Variants in CNNM3 observed in about 807,000 individuals in gnomAD.
The protein encoded by CNNM3 is cyclin and CBS domain divalent metal cation transport mediator 3, also known as metal transporter CNNM3.
A neutral mutation model predicts 57.1 loss-of-function variants in CNNM3; 47 were observed. That is an observed-to-expected ratio of 0.82 (90% confidence interval 0.65 to 1.05). The LOEUF (loss-of-function observed/expected upper bound fraction) is 1.05, where lower values mean the gene tolerates loss of function less well. Ranked by LOEUF, CNNM3 falls within the 50% of genes least tolerant of loss-of-function variation. The pLI is 0.00. For missense variants in CNNM3, 957 were observed against 973.7 expected (o/e 0.98, Z 0.23); for synonymous variants, 507 against 478.2 (o/e 1.06, Z -0.79).
chr2:96,820,245 C>T (rs764493449), intron 1 of CNNM3, among the ~76,000 whole-genome samples: 4 of 152,172 alleles, frequency 2.6e-5, no homozygotes, highest in Non-Finnish European at 4.4e-5. Flanking sequence ...AGATTGGTAT[C>T]TGGCAGCAGG....
chr2:96,823,167 CT>C (rs2079436671), intron 1 of CNNM3, among the ~76,000 whole-genome samples: 1 of 152,214 alleles, frequency 6.6e-6, no homozygotes, highest in African/African-American at 2.4e-5. Flanking sequence ...CTGCTTTCTT[CT>C]GTTCGTGATA....
In CNNM3 at chr2:96,825,192, G is replaced by A; in HGVS notation, c.1360G>A (p.Glu454Lys). ...CAGGTCCGAGATCCTGGACGAGTCT[G>A]AAGACTACCGTGAGTCCAGACTCTT... is the stretch of plus-strand genomic sequence containing the variant. ...IIRSEILDES[E>K]DYRDTVVKRK... The change falls in exon 2 of 8, where the codon GAA becomes AAA. Residue 454 changes from glutamate (E) to lysine (K), a missense_variant. By Grantham distance (56) the Glu-to-Lys change is moderately conservative (BLOSUM62 1). Coordinates refer to ENST00000305510, the MANE Select transcript of CNNM3 (RefSeq NM_017623.5). 2 of 1,614,088 alleles carry A rather than the reference G, an allele frequency of 1.2e-6. No individual in the cohort carries two copies. The highest frequency in any genetic ancestry group is 1.7e-6 in the Non-Finnish European group (2 of 1,180,008).
At position 96,832,888 on chromosome 2, in the gene CNNM3, A is replaced by G; in HGVS notation, c.*272A>G. 2 of 1,477,558 alleles carry G rather than the reference A, an allele frequency of 1.4e-6. No individual in the cohort carries two copies. The highest frequency in any genetic ancestry group is 1.8e-6 in the Non-Finnish European group (2 of 1,110,336). 91.5% of individuals were successfully genotyped at this position (1,477,558 alleles called of 1,614,324 possible). A position where few individuals can be genotyped will look rare whatever the true frequency, so the allele number is the denominator to read the frequency against. On this transcript the variant is annotated 3_prime_UTR_variant, in exon 8 of 8. Coordinates refer to ENST00000305510, the MANE Select transcript of CNNM3 (RefSeq NM_017623.5). Reference sequence around the variant, plus strand: ...GAATGAAAGGAATGCCATCATCTCTAGTTCCCAGGGCCCAGCCTTCCCCTT... The same window carrying G: ...GAATGAAAGGAATGCCATCATCTCTGGTTCCCAGGGCCCAGCCTTCCCCTT...
At chr2:96,820,666 C>T (rs1427804475) in intron 1 of CNNM3, among the ~76,000 whole-genome samples, 3 of 152,270 alleles carry the variant, frequency 2.0e-5, no homozygotes, top group Admixed American at 6.5e-5. Context: ...ATGCCGTTGA[C>T]CTTTGCAAGA....
At chr2:96,826,387 A>AT (rs1169615572) in intron 2 of CNNM3, among the ~76,000 whole-genome samples, 3 of 151,908 alleles carry the variant, frequency 2.0e-5, no homozygotes, top group South Asian at 2.1e-4. Context: ...TAATTATTTT[A>AT]TTTTTTTGTA....
At chr2:96,831,746 A>G (rs2079605668) in intron 7 of CNNM3, among the ~76,000 whole-genome samples, 1 of 152,216 alleles carries the variant, frequency 6.6e-6, no homozygotes, top group South Asian at 2.1e-4. Context: ...AGGGAAAGGC[A>G]GTCCCCACAC....
intron 7 of CNNM3, among the ~76,000 whole-genome samples, chr2:96,830,625 G>A (rs2079585985): frequency 6.6e-6 from 1 of 152,224 alleles, no homozygotes; most frequent in African/African-American, 2.4e-5. Flanking sequence ...AGCGGGTGAG[G>A]TCGTGCTGCT....
chr2:96,833,245 G>T lies in CNNM3; in HGVS notation c.*629G>T. On this transcript the variant is annotated 3_prime_UTR_variant, in exon 8 of 8. Coordinates refer to ENST00000305510, the MANE Select transcript of CNNM3 (RefSeq NM_017623.5). ...CTGTAGCCCTGCTCCCTCCCTGGAG[G>T]CTGCTCTTCTGATTCTGAGAGCTGG... The T allele has an allele frequency of 2.9e-6, 1 of 345,746 alleles. No homozygotes were observed. Among genetic ancestry groups the T allele is most frequent in the African/African-American group, 2.1e-5 (1 of 46,560 alleles). The allele number at this position is 345,746 out of a possible 1,614,324, so 21.4% of individuals were successfully genotyped here.
At position 96,829,023 on chromosome 2, in the gene CNNM3, C is replaced by T. The variant is rs750227113; in HGVS notation, c.1948C>T (p.Leu650Phe). The T allele has an allele frequency of 8.7e-6, 14 of 1,613,960 alleles. No individual in the cohort carries two copies. Among genetic ancestry groups the T allele is most frequent in the Admixed American group, 8.3e-5 (5 of 59,988 alleles). ...TACGCGACTGCAGTACCTCAATGCA[C>T]TCCTGGCTACCCGAGCCCAGAACCT... is the stretch of plus-strand genomic sequence containing the variant. ...KVTRLQYLNA[L>F]LATRAQNLPQ... Residue 650 changes from leucine to phenylalanine, a missense_variant, in exon 7 of 8, where the codon CTC becomes TTC. Leu to Phe is a conservative substitution (Grantham distance 22). Around this residue, in one of 2 missense-constraint regions of CNNM3, gnomAD observed 491 missense variants for 570.6 expected, o/e 0.86. Transcript: ENST00000305510.
chr2:96,829,092 A>C lies in CNNM3; in HGVS notation c.2017A>C (p.Ser673Arg). 1.2e-6 allele frequency: 2 copies of C among 1,614,030 alleles called. No individual in the cohort carries two copies. The highest frequency in any genetic ancestry group is 8.5e-7 in the Non-Finnish European group (1 of 1,180,002). Residue 673 changes from serine to arginine, a missense_variant, in exon 7 of 8, where the codon AGC (serine) becomes CGC (arginine). By Grantham distance (110) the Ser-to-Arg change is moderately radical (BLOSUM62 -1). Coordinates refer to ENST00000305510, the MANE Select transcript of CNNM3 (RefSeq NM_017623.5). Reference protein sequence around the residue: ...ENTDLQVIPGSQTRLLGEKTT... With the variant: ...ENTDLQVIPGRQTRLLGEKTT... The stretch of plus-strand genomic sequence containing the variant: ...CACCGACCTGCAGGTTATTCCAGGC[A>C]GCCAGACCAGGCTCCTTGGTGAGAA...
chr2:96,833,018 T>G lies in CNNM3; in HGVS notation c.*402T>G. The stretch of plus-strand genomic sequence containing the variant: ...CCTTTGTGTGGCCGTGACCTCTATT[T>G]GTTTGCTTTTAATTTGCCAACCTAT... On this transcript the variant is annotated 3_prime_UTR_variant, in exon 8 of 8. Coordinates refer to ENST00000305510, the MANE Select transcript of CNNM3 (RefSeq NM_017623.5). The G allele has an allele frequency of 6.9e-6, 9 of 1,311,638 alleles. No homozygotes were observed. Among genetic ancestry groups the G allele is most frequent in the Non-Finnish European group, 9.0e-6 (9 of 1,003,462 alleles). The allele number at this position is 1,311,638 out of a possible 1,614,324, so 81.2% of individuals were successfully genotyped here.
intron 3 of CNNM3, among the ~76,000 whole-genome samples, chr2:96,827,467 C>T (rs1405536339): frequency 6.6e-6 from 1 of 152,044 alleles, no homozygotes; most frequent in Admixed American, 6.6e-5. Context: ...GGGGTTTTGC[C>T]ATATTGGCCA....
chr2:96,828,367 C>T (rs1001140620), intron 5 of CNNM3, 172 bp downstream of exon 5: 26 of 821,336 alleles, frequency 3.2e-5, no homozygotes, highest in South Asian at 5.2e-5. Context: ...CATTCTTCAT[C>T]GCTCAACTTT....
intron 1 of CNNM3, among the ~76,000 whole-genome samples, chr2:96,822,808 T>C (rs1480422069): frequency 2.0e-5 from 3 of 152,268 alleles, no homozygotes; most frequent in Non-Finnish European, 4.4e-5. Context: ...CCAACTGTTA[T>C]TAACATCATA....
downstream of CNNM3, among the ~76,000 whole-genome samples, chr2:96,836,039 G>C (rs2079686309): frequency 1.3e-5 from 2 of 151,082 alleles, no homozygotes; most frequent in South Asian, 4.2e-4. Flanking sequence ...TGGGATTTTT[G>C]GTTTCCATTG....
downstream of CNNM3, among the ~76,000 whole-genome samples, chr2:96,835,724 C>T (rs1029948936): frequency 6.6e-6 from 1 of 152,216 alleles, no homozygotes; most frequent in Non-Finnish European, 1.5e-5. Flanking sequence ...GCCTCAGCCT[C>T]CCAAAGTTCT....
In CNNM3 at chr2:96,833,019, G is replaced by A. The variant is rs1390751742; in HGVS notation, c.*403G>A. On this transcript the variant is annotated 3_prime_UTR_variant, in exon 8 of 8. Coordinates refer to ENST00000305510, the MANE Select transcript of CNNM3 (RefSeq NM_017623.5). ...CTTTGTGTGGCCGTGACCTCTATTT[G>A]TTTGCTTTTAATTTGCCAACCTATC... 7.6e-7 allele frequency: 1 copy of A among 1,311,490 alleles called. No individual in the cohort carries two copies. The highest frequency in any genetic ancestry group is 1.0e-6 in the Non-Finnish European group (1 of 1,003,366). 81.2% of individuals were successfully genotyped at this position (1,311,490 alleles called of 1,614,324 possible).
Position 96,825,043 on chromosome 2 carries a change from G to A in CNNM3, c.1226-15G>A. The A allele has an allele frequency of 6.2e-7, 1 of 1,611,962 alleles. No homozygotes were observed. Among genetic ancestry groups the A allele is most frequent in the East Asian group, 2.2e-5 (1 of 44,870 alleles). On this transcript the variant is annotated splice_polypyrimidine_tract_variant and intron_variant, in intron 1 of 7. Coordinates refer to ENST00000305510, the MANE Select transcript of CNNM3 (RefSeq NM_017623.5). ...GGGCCCAGCAAGCTGTTCCATGAGT[G>A]TCCTCCCCCCACAGGGAAGTCCCAC...
chr2:96,830,249 C>T (rs895023524), intron 7 of CNNM3, among the ~76,000 whole-genome samples: 3 of 152,074 alleles, frequency 2.0e-5, no homozygotes, highest in African/African-American at 7.3e-5. Flanking sequence ...CCCACCCCCA[C>T]CTGCCCCACC....
Sources: allele counts gnomAD v4.1 joint callset (sites outside exome capture counted in the v4.1 genomes callset), GRCh38; gene constraint gnomAD v4.1.1; regional missense constraint gnomAD v4.1.1; transcripts MANE v1.5; gene names NCBI Gene and HGNC (gene_info 2026-07-23, HGNC 2026-07-21).